FRMD4A: variants seen among roughly 807,000 people sequenced by gnomAD.
FRMD4A encodes the protein FERM domain-containing protein 4A.
A neutral mutation model predicts 129.1 loss-of-function variants in FRMD4A; 29 were observed. The observed-to-expected ratio is 0.22, with a 90% CI of 0.17 to 0.31. The LOEUF is 0.31. Among genes scored for constraint, FRMD4A ranks in the 10% least tolerant of loss-of-function variants. The pLI, the probability that FRMD4A is intolerant of heterozygous loss-of-function variation, is 1.00. For missense variants in FRMD4A, 1,272 were observed against 1,375.8 expected, an observed-to-expected ratio of 0.92 and a Z score of 1.19; for synonymous variants, 634 against 571.6, an observed-to-expected ratio of 1.11 and a Z score of -1.56.
At chr10:13,791,459 G>GAGAA (rs2130809694) in intron 5 of FRMD4A, among the ~76,000 whole-genome samples, 2 of 151,672 alleles carry the variant, frequency 1.3e-5, no homozygotes, top group South Asian at 2.1e-4. Flanking sequence ...GTGTGTGTGA[G>GAGAA]AGAAAGGGAG....
chr10:13,867,846 CATAAT>C (rs1047778070), intron 2 of FRMD4A, among the ~76,000 whole-genome samples: 31 of 125,468 alleles, frequency 2.5e-4, no homozygotes, highest in Non-Finnish European at 4.8e-4. Flanking sequence ...ATAAATAATA[CATAAT>C]ATAATATATA....
At chr10:14,180,163 A>G (rs1015470472) in intron 2 of FRMD4A, among the ~76,000 whole-genome samples, 2 of 152,234 alleles carry the variant, frequency 1.3e-5, no homozygotes, top group Non-Finnish European at 2.9e-5. Context: ...ATAGAAGAGT[A>G]ATATTTATTG....
intron 2 of FRMD4A, among the ~76,000 whole-genome samples, chr10:14,106,295 C>A (rs1327004): frequency 0.54 from 82,516 of 152,000 alleles, 24,812 homozygotes; most frequent in East Asian, 0.74. Context: ...TTCAGTTTCT[C>A]CTGAATCTGT....
intron 2 of FRMD4A, among the ~76,000 whole-genome samples, chr10:14,212,077 A>G (rs115490878): frequency 6.1e-4 from 93 of 152,212 alleles, no homozygotes; most frequent in African/African-American, 2.0e-3. Context: ...GGCTGCAGAA[A>G]AAGTGTCCCA....
intron 2 of FRMD4A, among the ~76,000 whole-genome samples, chr10:13,901,087 T>G (rs1228797474): frequency 6.6e-6 from 1 of 152,156 alleles, no homozygotes; most frequent in Non-Finnish European, 1.5e-5. Flanking sequence ...ATAAGCCATC[T>G]CAGATCCTAC....
At chr10:14,137,845 C>G (rs34238571) in intron 2 of FRMD4A, among the ~76,000 whole-genome samples, 6 of 152,092 alleles carry the variant, frequency 3.9e-5, no homozygotes, top group Non-Finnish European at 7.4e-5. Context: ...CTCCTCTTTC[C>G]CCTTCTCTCT....
chr10:13,670,606 C>T (rs2134713325), intron 16 of FRMD4A, 78 bp from the exon 17 acceptor site: 3 of 1,435,420 alleles, frequency 2.1e-6, no homozygotes, highest in East Asian at 2.4e-5. Context: ...CACACACACG[C>T]ACATACACGC....
chr10:13,964,134 A>G (rs1020275592), intron 2 of FRMD4A, among the ~76,000 whole-genome samples: 1 of 100,114 alleles, frequency 1.0e-5, no homozygotes, highest in Non-Finnish European at 1.8e-5. Flanking sequence ...AGGCATTAGA[A>G]AAAAAAAAAA....
chr10:14,066,605 G>A (rs1033883119), intron 2 of FRMD4A, among the ~76,000 whole-genome samples: 1 of 152,150 alleles, frequency 6.6e-6, no homozygotes, highest in African/African-American at 2.4e-5. Flanking sequence ...AGCATCCAAA[G>A]AATTCAGACC....
chr10:13,674,563 T>G (rs11258514), intron 16 of FRMD4A, among the ~76,000 whole-genome samples: 57,327 of 152,110 alleles, frequency 0.38, 11,618 homozygotes, highest in Non-Finnish European at 0.46. Context: ...AAAACCCATA[T>G]TTTTTCCAAC....
rs2025790 is a variant in FRMD4A at position 14,197,641 on chromosome 10, G to A, written c.45+132417C>T. Among the ~76,000 whole-genome samples, 260 of 152,300 alleles carry A rather than the reference G, an allele frequency of 1.7e-3. 1 individual carries two copies. The highest frequency in any genetic ancestry group is 3.4e-3 in the Middle Eastern group (1 of 294). On this transcript the variant is annotated intron_variant, in intron 2 of 24. Coordinates refer to ENST00000357447, the MANE Select transcript of FRMD4A (RefSeq NM_018027.5). ...CTCCCAAAGTGCTGGGATTACAGGC[G>A]TGAGCCACCGTGCCTGGCCAGGATC... is the stretch of plus-strand genomic sequence containing the variant.
intron 15 of FRMD4A, among the ~76,000 whole-genome samples, chr10:13,688,162 A>C (rs1203941771): frequency 6.6e-6 from 1 of 152,208 alleles, no homozygotes; most frequent in Admixed American, 6.5e-5. Flanking sequence ...CAACAACGAT[A>C]GACTGGATTA....
intron 2 of FRMD4A, among the ~76,000 whole-genome samples, chr10:13,865,544 A>G (rs1485184655): frequency 2.0e-5 from 3 of 150,370 alleles, no homozygotes; most frequent in African/African-American, 7.3e-5. Flanking sequence ...TCAACCTCCC[A>G]GGCTCAAGCG....
intron 2 of FRMD4A, among the ~76,000 whole-genome samples, chr10:14,316,945 G>T (rs759207214): frequency 5.9e-5 from 9 of 152,172 alleles, no homozygotes; most frequent in Non-Finnish European, 1.2e-4. Context: ...TCCACTGGAA[G>T]TTCCCATGTG....
chr10:13,841,827 A>G (rs2093970906), intron 3 of FRMD4A, among the ~76,000 whole-genome samples: 1 of 152,154 alleles, frequency 6.6e-6, no homozygotes, highest in Non-Finnish European at 1.5e-5. Flanking sequence ...AGGTCACAGG[A>G]ACCCTCATAT....
intron 2 of FRMD4A, among the ~76,000 whole-genome samples, chr10:14,124,383 G>A (rs1003749703): frequency 3.3e-5 from 5 of 152,092 alleles, no homozygotes; most frequent in Non-Finnish European, 5.9e-5. Flanking sequence ...AAGCTCAGAC[G>A]AATTTAAGTG....
At chr10:13,853,697 G>A (rs781045657) in intron 3 of FRMD4A, among the ~76,000 whole-genome samples, 1 of 151,994 alleles carries the variant, frequency 6.6e-6, no homozygotes, top group Admixed American at 6.6e-5. Flanking sequence ...GCTGGGCATG[G>A]TGATGCAGGC....
At chr10:13,896,296 A>G (rs1647898232) in intron 2 of FRMD4A, among the ~76,000 whole-genome samples, 3 of 152,240 alleles carry the variant, frequency 2.0e-5, no homozygotes, top group Admixed American at 1.3e-4. Flanking sequence ...TAGACTGGAT[A>G]AAGAAAATGT....
At chr10:14,316,508 C>CAAAAAAAAAAAAA (rs760301974) in intron 2 of FRMD4A, among the ~76,000 whole-genome samples, 2 of 109,938 alleles carry the variant, frequency 1.8e-5, no homozygotes, top group Non-Finnish European at 3.7e-5. Context: ...GTGATAGCAG[C>CAAAAAAAAAAAAA]AAAAAAAAAA....
Sources: allele counts gnomAD v4.1 joint callset (sites outside exome capture counted in the v4.1 genomes callset), GRCh38; gene constraint gnomAD v4.1.1; transcripts MANE v1.5; gene names NCBI Gene and HGNC (gene_info 2026-07-23, HGNC 2026-07-21).